MRTFA: variants seen among roughly 807,000 people sequenced by gnomAD.
The protein encoded by MRTFA is myocardin related transcription factor A, also known as myocardin-related transcription factor A.
A neutral mutation model predicts 83.5 loss-of-function variants in MRTFA; 20 were observed. That is an observed-to-expected ratio of 0.24 (90% CI 0.17 to 0.35). MRTFA has a LOEUF of 0.35. Among genes scored for constraint, MRTFA ranks in the 10% least tolerant of loss-of-function variants. The pLI is 1.00. For missense variants in MRTFA, 1,200 were observed against 1,224.7 expected (o/e 0.98, Z 0.30); for synonymous variants, 659 against 541.2 (o/e 1.22, Z -3.02).
intron 3 of MRTFA, among the ~76,000 whole-genome samples, chr22:40,494,933 C>T (rs973772105): frequency 2.6e-5 from 4 of 151,966 alleles, no homozygotes; most frequent in African/African-American, 9.7e-5. Context: ...TGGAAATAAT[C>T]TATATGTCTT....
chr22:40,576,219 C>A (rs1051570105), intron 2 of MRTFA, among the ~76,000 whole-genome samples: 3 of 151,740 alleles, frequency 2.0e-5, no homozygotes, highest in Non-Finnish European at 4.4e-5. Context: ...TTAGTACAGA[C>A]GGGGTTTTGC....
At chr22:40,473,365 C>T (rs757570894) in intron 3 of MRTFA, among the ~76,000 whole-genome samples, 2 of 152,080 alleles carry the variant, frequency 1.3e-5, no homozygotes, top group Admixed American at 6.6e-5. Flanking sequence ...CTCACTGTTG[C>T]CCAGACTGGT....
chr22:40,524,999 G>A (rs771235683), intron 3 of MRTFA, among the ~76,000 whole-genome samples: 36 of 152,144 alleles, frequency 2.4e-4, no homozygotes, highest in Non-Finnish European at 4.6e-4. Context: ...TAGTAGAGAT[G>A]GGGTTTCGCC....
intron 3 of MRTFA, among the ~76,000 whole-genome samples, chr22:40,508,683 G>T (rs2054620033): frequency 6.6e-6 from 1 of 150,578 alleles, no homozygotes; most frequent in Non-Finnish European, 1.5e-5. Flanking sequence ...TCTTTCCATT[G>T]TAACTGTGGT....
At chr22:40,575,368 A>G (rs995737119) in intron 2 of MRTFA, among the ~76,000 whole-genome samples, 1 of 152,226 alleles carries the variant, frequency 6.6e-6, no homozygotes, top group African/African-American at 2.4e-5. Context: ...TAAAATATAA[A>G]TGCTAGATTT....
chr22:40,568,931 T>C (rs2055744390), intron 2 of MRTFA, among the ~76,000 whole-genome samples: 2 of 152,142 alleles, frequency 1.3e-5, no homozygotes, highest in Admixed American at 6.6e-5. Context: ...CTATTTAAAA[T>C]AGAAAGGTTC....
At chr22:40,421,124 C>A (rs369283064) in intron 9 of MRTFA, 24 bp from the exon 10 acceptor site, 2 of 1,509,012 alleles carry the variant, frequency 1.3e-6, no homozygotes, top group African/African-American at 1.4e-5. Flanking sequence ...AGACAGGGTG[C>A]CATTCAGGGG....
At chr22:40,498,520 A>C (rs1214072614) in intron 3 of MRTFA, among the ~76,000 whole-genome samples, 1 of 151,482 alleles carries the variant, frequency 6.6e-6, no homozygotes, top group Non-Finnish European at 1.5e-5. Flanking sequence ...CCTGGGCTCA[A>C]GAGATCCACC....
At chr22:40,524,037 T>C (rs2054917356) in intron 3 of MRTFA, among the ~76,000 whole-genome samples, 1 of 152,238 alleles carries the variant, frequency 6.6e-6, no homozygotes, top group Admixed American at 6.5e-5. Context: ...AGGACAATTT[T>C]CACACCCTAT....
intron 1 of MRTFA, among the ~76,000 whole-genome samples, chr22:40,596,671 G>A (rs1229501207): frequency 1.3e-5 from 2 of 152,202 alleles, no homozygotes; most frequent in Non-Finnish European, 2.9e-5. Context: ...GCTGGGCGTG[G>A]TGGCACGTAC....
rs947391225 is a variant in MRTFA at position 40,416,474 on chromosome 22, A to C, written c.2578+512T>G. On this transcript the variant is annotated intron_variant, in intron 14 of 14. Transcript: ENST00000355630. This position sits in a 1 kb window ranked among gnomAD's most constrained non-coding sequence, Gnocchi z 4.2. ...AAGCCACCCTGCCCTGGTGCCCAGG[A>C]GGCCACGCATGATCTGGCCATGAAG... 1.3e-5 allele frequency among the ~76,000 whole-genome samples: 2 copies of C among 152,192 alleles called. No homozygotes were observed. The highest frequency in any genetic ancestry group is 4.8e-5 in the African/African-American group (2 of 41,446).
chr22:40,424,983 C>G (rs962594524), intron 7 of MRTFA, among the ~76,000 whole-genome samples: 3 of 152,184 alleles, frequency 2.0e-5, no homozygotes. Flanking sequence ...GGATGTTTGC[C>G]TGCACAGGTG....
chr22:40,465,459 A>G (rs1423130152), intron 3 of MRTFA, among the ~76,000 whole-genome samples: 5 of 152,206 alleles, frequency 3.3e-5, no homozygotes, highest in Non-Finnish European at 1.5e-5. Flanking sequence ...CAGGAGCTAC[A>G]ATAATAGCTG....
At chr22:40,630,538 G>GT (rs2056630965) in intron 1 of MRTFA, among the ~76,000 whole-genome samples, 1 of 152,034 alleles carries the variant, frequency 6.6e-6, no homozygotes, top group African/African-American at 2.4e-5. Flanking sequence ...TCCTTTCGAC[G>GT]TAACAAATCT....
chr22:40,514,473 C>T (rs947775518), intron 3 of MRTFA, among the ~76,000 whole-genome samples: 1 of 145,842 alleles, frequency 6.9e-6, no homozygotes, highest in African/African-American at 2.5e-5. Context: ...GTCCCTCCTA[C>T]ATTTTTTTTT....
intron 4 of MRTFA, among the ~76,000 whole-genome samples, chr22:40,436,947 CG>C (rs201307223): frequency 0.011 from 1,738 of 152,232 alleles, 19 homozygotes; most frequent in Middle Eastern, 0.027. Context: ...CCACCCCCAG[CG>C]GGGGGCTGGG....
chr22:40,457,028 T>C (rs1256075690), intron 4 of MRTFA, among the ~76,000 whole-genome samples: 2 of 152,198 alleles, frequency 1.3e-5, no homozygotes, highest in Admixed American at 6.5e-5. Context: ...TGAAGAATAA[T>C]GTAAGTTAAC....
chr22:40,596,907 G>A (rs1380156463), intron 1 of MRTFA, among the ~76,000 whole-genome samples: 1 of 150,966 alleles, frequency 6.6e-6, no homozygotes, highest in Non-Finnish European at 1.5e-5. Flanking sequence ...CCTGGGAGGT[G>A]GAGGTTGCAA....
At chr22:40,609,343 T>C (rs887654669) in intron 1 of MRTFA, among the ~76,000 whole-genome samples, 2 of 151,112 alleles carry the variant, frequency 1.3e-5, no homozygotes, top group African/African-American at 2.4e-5. Context: ...TAGTCAGATA[T>C]TGTGGCTTGA....
Sources: gnomAD v4.1 joint callset for allele counts (sites outside exome capture counted in the v4.1 genomes callset) on GRCh38, gnomAD v4.1.1 for gene constraint, Gnocchi (gnomAD v3.1) non-coding constraint, MANE v1.5 for transcripts, NCBI Gene and HGNC (gene_info 2026-07-23, HGNC 2026-07-21) for gene names.